TMEM232: variants seen among roughly 807,000 people sequenced by gnomAD.
The protein encoded by TMEM232 is transmembrane protein 232.
In TMEM232, 80 loss-of-function variants were observed where a neutral mutation model predicts 78.8. The observed-to-expected ratio is 1.01, with a 90% CI of 0.85 to 1.22. The LOEUF (loss-of-function observed/expected upper bound fraction) is 1.22. Ranked by LOEUF, TMEM232 falls within the 50% of genes most tolerant of loss-of-function variation. TMEM232 has a pLI of 0.00. For missense variants in TMEM232, 881 were observed against 742.2 expected (o/e 1.19, Z -2.17); for synonymous variants, 297 against 254.3 (o/e 1.17, Z -1.60).
chr5:110,463,237 G>C (rs1238436386), intron 12 of TMEM232, among the ~76,000 whole-genome samples: 2 of 152,130 alleles, frequency 1.3e-5, no homozygotes, highest in Non-Finnish European at 2.9e-5. Flanking sequence ...ATCAAGGCAA[G>C]GCACTCCACC....
At chr5:110,412,089 G>C (rs1300689379) in intron 2 of TMEM232, among the ~76,000 whole-genome samples, 1 of 152,122 alleles carries the variant, frequency 6.6e-6, no homozygotes, top group Non-Finnish European at 1.5e-5. Flanking sequence ...CAGAGACACA[G>C]AAATAAGTTG....
At chr5:110,683,164 A>G (rs572519446) in intron 1 of TMEM232, among the ~76,000 whole-genome samples, 10 of 152,310 alleles carry the variant, frequency 6.6e-5, no homozygotes, top group African/African-American at 2.4e-4. Context: ...ATATAAATGG[A>G]CTAAGCAATA....
rs926287245 is a variant in TMEM232, at chr5:110,440,872, T to C, written c.1704-15956A>G. Among the ~76,000 whole-genome samples the C allele has an allele frequency of 3.3e-5, 5 of 152,158 alleles. No homozygotes were observed. In the East Asian group the frequency reaches 7.7e-4, roughly 24 times the overall value. On this transcript the variant is annotated intron_variant, in intron 12 of 13. Transcript: ENST00000455884. ...TTTTCTCAACAGACAAATGCTGAAA[T>C]CTCAACAAAGCATATGTTTGCTTCT...
chr5:110,493,168 C>T (rs75898143), intron 12 of TMEM232, among the ~76,000 whole-genome samples: 8,117 of 151,700 alleles, frequency 0.054, 295 homozygotes, highest in Non-Finnish European at 0.079. Flanking sequence ...AATCTTAAAA[C>T]TTTTTAAAAA....
chr5:110,534,187 G>T (rs537400830), intron 11 of TMEM232, among the ~76,000 whole-genome samples: 9 of 152,252 alleles, frequency 5.9e-5, no homozygotes, highest in African/African-American at 1.9e-4. Context: ...CTTCCCTTCT[G>T]TCAGACATAA....
In TMEM232 at chr5:110,431,747, G is replaced by A. The variant is rs796870992; in HGVS notation, c.1704-6831C>T. On this transcript the variant is annotated intron_variant, in intron 12 of 13. Coordinates refer to ENST00000455884, the MANE Select transcript of TMEM232 (RefSeq NM_001039763.4). ...AAAAAGCAGTAAGTGAAATTAAGAAGTTGGTAGGTGTATATAACAGCAGAT... is the reference window on the plus strand; with the variant it reads ...AAAAAGCAGTAAGTGAAATTAAGAAATTGGTAGGTGTATATAACAGCAGAT... Among the ~76,000 whole-genome samples, 5 of 151,758 alleles carry A rather than the reference G, an allele frequency of 3.3e-5. No homozygotes were observed. The South Asian group carries it at 1.0e-3, about 31-fold the overall frequency.
chr5:110,621,414 A>G (rs1233286214), intron 7 of TMEM232, among the ~76,000 whole-genome samples: 4 of 152,112 alleles, frequency 2.6e-5, no homozygotes, highest in Non-Finnish European at 5.9e-5. Flanking sequence ...AGCACAAAAA[A>G]TGAAAAATAC....
chr5:110,687,732 G>C (rs976683621), intron 1 of TMEM232, among the ~76,000 whole-genome samples: 5 of 151,806 alleles, frequency 3.3e-5, no homozygotes, highest in Non-Finnish European at 7.4e-5. Flanking sequence ...ATACATGTGT[G>C]TGTATATACA....
In TMEM232 at chr5:110,528,730, T is replaced by A; in HGVS notation, c.1561A>T (p.Asn521Tyr). The change falls in exon 12 of 14, where the codon AAC becomes TAC. Residue 521 changes from asparagine (N) to tyrosine (Y), a missense_variant. By Grantham distance (143) the Asn-to-Tyr change is moderately radical (BLOSUM62 -2). Transcript: ENST00000455884. ...FSKYIGWRIANTLSKLFFPPI... is the reference protein window; with the variant it reads ...FSKYIGWRIAYTLSKLFFPPI... ...GGAAAGAATAGTTTGGAAAGAGTGT[T>A]GGCAATTCTCCACCCAATATATTTG... 4 of 1,534,712 alleles carry A rather than the reference T, an allele frequency of 2.6e-6. No individual in the cohort carries two copies. Among genetic ancestry groups the A allele is most frequent in the Non-Finnish European group, 3.5e-6 (4 of 1,146,278 alleles).
chr5:110,413,905 C>T lies in TMEM232; in HGVS notation n.308+10918G>A, dbSNP rs193177490. Among the ~76,000 whole-genome samples the T allele has an allele frequency of 3.2e-4, 48 of 152,236 alleles. 1 individual carries two copies. Among genetic ancestry groups the T allele is most frequent in the Admixed American group, 8.5e-4 (13 of 15,286 alleles). On this transcript the variant is annotated intron_variant and non_coding_transcript_variant, in intron 2 of 8. Coordinates refer to the TMEM232 transcript ENST00000507188. ...AAGCCAACAAGTAAATACTTCAGCC[C>T]AGAAGTGACACACATAGCTTCTGTC...
chr5:110,505,033 C>T lies in TMEM232; in HGVS notation c.1703+23555G>A, dbSNP rs151052383. On this transcript the variant is annotated intron_variant, in intron 12 of 13. Transcript: ENST00000455884. The stretch of plus-strand genomic sequence containing the variant: ...ATACCTTCTTTCCTCCCAGGAGTGT[C>T]GCTTTTAACCATTAGAGTGTTGCTA... Among the ~76,000 whole-genome samples, 470 of 152,280 alleles carry T rather than the reference C, an allele frequency of 3.1e-3. 1 individual carries two copies. Among genetic ancestry groups the T allele is most frequent in the African/African-American group, 0.011 (447 of 41,568 alleles).
At chr5:110,722,078 GGCTGCAGAA>G (rs1797706309) in intron 1 of TMEM232, among the ~76,000 whole-genome samples, 1 of 151,974 alleles carries the variant, frequency 6.6e-6, no homozygotes, top group African/African-American at 2.4e-5. Flanking sequence ...TTAAGTGGGA[GGCTGCAGAA>G]GATAGAGATG....
intron 2 of TMEM232, among the ~76,000 whole-genome samples, chr5:110,398,660 T>A (rs1755481722): frequency 6.6e-6 from 1 of 152,160 alleles, no homozygotes; most frequent in African/African-American, 2.4e-5. Flanking sequence ...CATGTCCAGA[T>A]GCTGAAGAGG....
downstream of TMEM232, among the ~76,000 whole-genome samples, chr5:110,417,023 TTA>T (rs139196613): frequency 0.017 from 2,554 of 152,288 alleles, 66 homozygotes; most frequent in African/African-American, 0.058. Flanking sequence ...CTTAAAAGTT[TTA>T]TGAGTATTCT....
intron 10 of TMEM232, among the ~76,000 whole-genome samples, chr5:110,588,621 T>A (rs1779133900): frequency 6.6e-6 from 1 of 152,092 alleles, no homozygotes. Context: ...TCGATTTATT[T>A]TGGTTGCCTC....
chr5:110,652,552 T>C (rs954413840), intron 2 of TMEM232, among the ~76,000 whole-genome samples: 2 of 152,232 alleles, frequency 1.3e-5, no homozygotes, highest in African/African-American at 2.4e-5. Flanking sequence ...TAATACATCA[T>C]TGAAAACATG....
intron 8 of TMEM232, among the ~76,000 whole-genome samples, chr5:110,617,433 C>T (rs1163371131): frequency 6.6e-6 from 1 of 151,828 alleles, no homozygotes; most frequent in Non-Finnish European, 1.5e-5. Flanking sequence ...TTCTTACCAC[C>T]AAAAAATGAT....
intron 10 of TMEM232, among the ~76,000 whole-genome samples, chr5:110,589,205 G>A (rs1190182095): frequency 6.6e-6 from 1 of 152,074 alleles, no homozygotes; most frequent in Admixed American, 6.6e-5. Flanking sequence ...ATTTTCTTCT[G>A]TAATGAGAAC....
At chr5:110,665,445 C>T (rs1431292222) in intron 2 of TMEM232, among the ~76,000 whole-genome samples, 4 of 151,884 alleles carry the variant, frequency 2.6e-5, no homozygotes, top group East Asian at 1.9e-4. Context: ...CTCACAGTTC[C>T]GCATGGCTGG....
Sources: allele counts gnomAD v4.1 joint callset (sites outside exome capture counted in the v4.1 genomes callset), GRCh38; gene constraint gnomAD v4.1.1; transcripts MANE v1.5; gene names NCBI Gene and HGNC (gene_info 2026-07-23, HGNC 2026-07-21).